Variants in ARID3A observed in about 807,000 individuals in gnomAD.
The protein encoded by ARID3A is AT-rich interaction domain 3A.
In ARID3A, 11 loss-of-function variants were observed where a neutral mutation model predicts 52.7. The ratio of observed to expected loss-of-function variants is 0.21; its 90% confidence interval spans 0.13 to 0.35. The LOEUF is 0.35. ARID3A is among the 10% of genes least tolerant of loss of function. ARID3A has a pLI of 1.00. For synonymous variants in ARID3A, 404 were observed against 359.4 expected, an observed-to-expected ratio of 1.12 and a Z score of -1.40; for missense variants, 721 against 838.5, an observed-to-expected ratio of 0.86 and a Z score of 1.73.
chr19:969,547 T>C (rs925524340), intron 8 of ARID3A, among the ~76,000 whole-genome samples: 2 of 151,596 alleles, frequency 1.3e-5, no homozygotes, highest in African/African-American at 2.4e-5. Flanking sequence ...TCTCTCTCTC[T>C]ATATATCTAT....
chr19:932,381 A>G lies in ARID3A; in HGVS notation c.369-37A>G, dbSNP rs376153277. ...TTTCCTTGGGCTGGGACGAGCCAGC[A>G]CCTTCTCCCCTGACTCCTGCCCTCT... is the stretch of plus-strand genomic sequence containing the variant. On this transcript the variant is annotated intron_variant, in intron 2 of 8. Coordinates refer to ENST00000263620, the MANE Select transcript of ARID3A (RefSeq NM_005224.3). The G allele has an allele frequency of 6.3e-6, 10 of 1,581,038 alleles. No individual in the cohort carries two copies. The African/African-American group carries it at 8.4e-5, about 13-fold the overall frequency.
At position 973,598 on chromosome 19, in the gene ARID3A, G is replaced by A. The variant is rs551682725; in HGVS notation, c.*1533G>A. ...AATACTGGGGAGTGGGGGTGAAGCC[G>A]GACCTCACTCAGGGTGAGGATTTCA... is the stretch of plus-strand genomic sequence containing the variant. On this transcript the variant is annotated 3_prime_UTR_variant, in exon 9 of 9. Transcript: ENST00000263620. 2.9e-4 allele frequency: 65 copies of A among 225,062 alleles called. No individual in the cohort carries two copies. The East Asian group carries it at 3.9e-3, about 14-fold the overall frequency. 13.9% of individuals were successfully genotyped at this position (225,062 alleles called of 1,614,324 possible). A position where few individuals can be genotyped will look rare whatever the true frequency, so the allele number is the denominator to read the frequency against.
In ARID3A at chr19:947,801, C is replaced by T. The variant is rs1260877349; in HGVS notation, c.694-12291C>T. Among the ~76,000 whole-genome samples the T allele has an allele frequency of 1.3e-5, 2 of 152,236 alleles. No individual in the cohort carries two copies. Among genetic ancestry groups the T allele is most frequent in the Non-Finnish European group, 2.9e-5 (2 of 68,038 alleles). On this transcript the variant is annotated intron_variant, in intron 3 of 8. Coordinates refer to ENST00000263620, the MANE Select transcript of ARID3A (RefSeq NM_005224.3). The surrounding 1 kb of genome is among the most constrained non-coding windows in gnomAD (Gnocchi z 6.3). ...TCCAGAGAGGGGACTCGGGGCCCAT[C>T]AGGGCCGGGGGAGTGGAGCCGGCAG...
chr19:962,235 T>G (rs888965356), intron 4 of ARID3A, among the ~76,000 whole-genome samples: 1 of 152,140 alleles, frequency 6.6e-6, no homozygotes, highest in African/African-American at 2.4e-5. Flanking sequence ...AGAAATAATT[T>G]TTTTTTTCCC....
At position 974,293 on chromosome 19, in the gene ARID3A, AG is replaced by A; in HGVS notation, c.*2233del. 1 of 227,922 alleles carries A rather than the reference AG, an allele frequency of 4.4e-6. No homozygotes were observed. The highest frequency in any genetic ancestry group is 8.7e-6 in the Non-Finnish European group (1 of 114,778). 14.1% of individuals were successfully genotyped at this position (227,922 alleles called of 1,614,324 possible). A position where few individuals can be genotyped will look rare whatever the true frequency, so the allele number is the denominator to read the frequency against. Reference sequence around the variant, plus strand: ...CGTGGACACACACCCCCTTTCCAGGAGGGGGTGGTGGGCGTCTAGGTTTTCC... The same window carrying A: ...CGTGGACACACACCCCCTTTCCAGGAGGGGTGGTGGGCGTCTAGGTTTTCC... On this transcript the variant is annotated 3_prime_UTR_variant, in exon 9 of 9. Coordinates refer to ENST00000263620, the MANE Select transcript of ARID3A (RefSeq NM_005224.3).
chr19:957,603 AG>A lies in ARID3A; in HGVS notation c.694-2487del, dbSNP rs1303834797. ...CGCCTGTGACCCCAGCACTTTGAGAAGGCAACACGTGAGGATCGAGGGAGCC... is the reference window on the plus strand; with the variant it reads ...CGCCTGTGACCCCAGCACTTTGAGAAGCAACACGTGAGGATCGAGGGAGCC... On this transcript the variant is annotated intron_variant, in intron 3 of 8. Transcript: ENST00000263620. 3.3e-5 allele frequency among the ~76,000 whole-genome samples: 5 copies of A among 152,290 alleles called. No individual in the cohort carries two copies. The East Asian group carries it at 9.6e-4, about 29-fold the overall frequency.
chr19:969,113 A>AT (rs1448309214), intron 8 of ARID3A, among the ~76,000 whole-genome samples: 2 of 151,804 alleles, frequency 1.3e-5, no homozygotes, highest in East Asian at 3.9e-4. Context: ...TGTATTTTTT[A>AT]TTTTTTTTAA....
At chr19:967,882 TA>T (rs1460480292) in intron 7 of ARID3A, among the ~76,000 whole-genome samples, 1 of 151,152 alleles carries the variant, frequency 6.6e-6, no homozygotes, top group Non-Finnish European at 1.5e-5. Flanking sequence ...CCGTCTCTAC[TA>T]AAAATACAAA....
At chr19:955,294 C>T (rs1410618412) in intron 3 of ARID3A, among the ~76,000 whole-genome samples, 3 of 152,280 alleles carry the variant, frequency 2.0e-5, no homozygotes, top group East Asian at 1.9e-4. Flanking sequence ...GGGCCAGAGA[C>T]CCATAAAGCC....
chr19:975,154 G>A lies in ARID3A; in HGVS notation c.*3089G>A. On this transcript the variant is annotated 3_prime_UTR_variant, in exon 9 of 9. Transcript: ENST00000263620. Reference sequence around the variant, plus strand: ...CACCCCCCCTTATGCAGACTGGGAGGGGGTCGGGCAGTCCCCTCAGCCACG... The same window carrying A: ...CACCCCCCCTTATGCAGACTGGGAGAGGGTCGGGCAGTCCCCTCAGCCACG... The A allele has an allele frequency of 4.3e-6, 1 of 231,660 alleles. No individual in the cohort carries two copies. The highest frequency in any genetic ancestry group is 8.5e-6 in the Non-Finnish European group (1 of 117,056). 14.4% of individuals were successfully genotyped at this position (231,660 alleles called of 1,614,324 possible).
intron 3 of ARID3A, among the ~76,000 whole-genome samples, chr19:957,084 C>T (rs2037936145): frequency 7.0e-6 from 1 of 143,288 alleles, no homozygotes; most frequent in Non-Finnish European, 1.5e-5. Context: ...TGCCGGCTTT[C>T]CCCCACCCTG....
intron 2 of ARID3A, among the ~76,000 whole-genome samples, chr19:930,695 G>C (rs1272478836): frequency 6.6e-6 from 1 of 150,750 alleles, no homozygotes; most frequent in Non-Finnish European, 1.5e-5. Context: ...ATTTTTAGTA[G>C]AGACGGGGTT....
In ARID3A at chr19:929,708, C is replaced by T. The variant is rs370801292; in HGVS notation, c.180C>T (p.Ala60=). Residue 60 remains alanine, a synonymous_variant, in exon 2 of 9, where the codon GCC becomes GCT. Transcript: ENST00000263620. The surrounding 1 kb of genome is among the most constrained non-coding windows in gnomAD (Gnocchi z 6.2). ...CCCGGATGCAGCGGGCTCAGATGGC[C>T]GCACTGGCAGCCATGCGGGCTGCAG... The part of the protein sequence containing the change: ...ESARMQRAQM[A]ALAAMRAAAA... 1.4e-4 allele frequency: 223 copies of T among 1,565,022 alleles called. 2 individuals are homozygous for T. The East Asian group carries it at 2.4e-3, about 17-fold the overall frequency.
intron 1 of ARID3A, among the ~76,000 whole-genome samples, chr19:926,816 G>A (rs1026296331): frequency 5.9e-5 from 9 of 151,930 alleles, no homozygotes. Flanking sequence ...CAACTCCAAC[G>A]CTCGGCGCCG....
In ARID3A at chr19:959,244, C is replaced by T. The variant is rs558857738; in HGVS notation, c.694-848C>T. Among the ~76,000 whole-genome samples the T allele has an allele frequency of 4.6e-5, 7 of 152,264 alleles. No homozygotes were observed. In the South Asian group the frequency reaches 6.2e-4, roughly 14 times the overall value. ...AGGAAGGTTCCTCCCTTGGAGACTT[C>T]GGAGGGAACGCAACCCTGCAGACAT... On this transcript the variant is annotated intron_variant, in intron 3 of 8. Coordinates refer to ENST00000263620, the MANE Select transcript of ARID3A (RefSeq NM_005224.3). This position sits in a 1 kb window ranked among gnomAD's most constrained non-coding sequence, Gnocchi z 5.0.
At chr19:969,575 G>A (rs1320100137) in intron 8 of ARID3A, among the ~76,000 whole-genome samples, 1 of 151,174 alleles carries the variant, frequency 6.6e-6, no homozygotes, top group Non-Finnish European at 1.5e-5. Flanking sequence ...TATATCGATA[G>A]ATATAGCTGT....
intron 3 of ARID3A, among the ~76,000 whole-genome samples, chr19:948,345 C>T (rs137976813): frequency 1.8e-3 from 267 of 152,224 alleles, no homozygotes; most frequent in Non-Finnish European, 3.3e-3. Flanking sequence ...CTGTGGTCCA[C>T]GCTCAGCTCT....
chr19:933,516 C>A (rs2037376088), intron 3 of ARID3A, among the ~76,000 whole-genome samples: 1 of 152,180 alleles, frequency 6.6e-6, no homozygotes, highest in South Asian at 2.1e-4. Flanking sequence ...GGGGAGCCAC[C>A]TCCTCGCCCG....
rs940224914 is a variant in ARID3A, at chr19:929,303, C to T, written c.-226C>T. 4.6e-6 allele frequency: 2 copies of T among 439,316 alleles called. No individual in the cohort carries two copies. Among genetic ancestry groups the T allele is most frequent in the East Asian group, 1.2e-4 (2 of 17,162 alleles). 27.2% of individuals were successfully genotyped at this position (439,316 alleles called of 1,614,324 possible). On this transcript the variant is annotated 5_prime_UTR_variant, in exon 2 of 9. Transcript: ENST00000263620. The surrounding 1 kb of genome is among the most constrained non-coding windows in gnomAD (Gnocchi z 6.2). The stretch of plus-strand genomic sequence containing the variant: ...GAATGAGCCGGATGCCAGCCTCTGT[C>T]CCCTGGAGCCCAGCGTGAGGAAGAG...
Sources: allele counts gnomAD v4.1 joint callset (sites outside exome capture counted in the v4.1 genomes callset), GRCh38; gene constraint gnomAD v4.1.1; non-coding constraint Gnocchi (gnomAD v3.1); transcripts MANE v1.5; gene names NCBI Gene and HGNC (gene_info 2026-07-23, HGNC 2026-07-21).